The following CSMD1 variants were observed in gnomAD, a reference collection of about 807,000 sequenced individuals.
The protein encoded by CSMD1 is CUB and Sushi multiple domains 1.
A neutral mutation model predicts 417.5 loss-of-function variants in CSMD1; 213 were observed. The ratio of observed to expected loss-of-function variants is 0.51; its 90% CI spans 0.46 to 0.57. CSMD1 has a LOEUF of 0.57. CSMD1 is among the 20% of genes least tolerant of loss of function. The probability of loss-of-function intolerance (pLI) is 0.00; values close to 1 mark genes in which losing one functional copy is unlikely to be tolerated. For synonymous variants in CSMD1, 2,862 were observed against 1,736.8 expected, an observed-to-expected ratio of 1.65 and a Z score of -16.11; for missense variants, 6,923 against 4,529.7, an observed-to-expected ratio of 1.53 and a Z score of -15.17.
At position 4,730,752 on chromosome 8, in the gene CSMD1, TA is replaced by T. The variant is rs113132655; in HGVS notation, c.86-93195del. Among the ~76,000 whole-genome samples the T allele has an allele frequency of 8.8e-3, 1,163 of 131,982 alleles. 6 individuals are homozygous for T. The highest frequency in any genetic ancestry group is 0.014 in the African/African-American group (513 of 37,906). The allele number at this position is 131,982 out of a possible 152,430, so 86.6% of individuals were successfully genotyped here. A position where few individuals can be genotyped will look rare whatever the true frequency, so the allele number is the denominator to read the frequency against. On this transcript the variant is annotated intron_variant, in intron 1 of 69. Coordinates refer to ENST00000635120, the MANE Select transcript of CSMD1 (RefSeq NM_033225.6). ...CGAGACTCCATTTCAAAAAAACAAA[TA>T]AAAAAAAAAAGAATAAAGGAAATGA... is the stretch of plus-strand genomic sequence containing the variant.
At chr8:4,379,112 C>G (rs1584983823) in intron 3 of CSMD1, among the ~76,000 whole-genome samples, 2 of 152,254 alleles carry the variant, frequency 1.3e-5, no homozygotes, top group East Asian at 3.9e-4. Context: ...TTAATGTTAA[C>G]ATCATAAGTG....
chr8:3,767,846 G>A (rs1270338035), intron 5 of CSMD1, among the ~76,000 whole-genome samples: 1 of 151,694 alleles, frequency 6.6e-6, no homozygotes, highest in East Asian at 1.9e-4. Context: ...ATGCCCAGTG[G>A]GTCAGATAAA....
intron 2 of CSMD1, among the ~76,000 whole-genome samples, chr8:4,540,764 A>G (rs1193364931): frequency 6.6e-6 from 1 of 152,064 alleles, no homozygotes; most frequent in African/African-American, 2.4e-5. Flanking sequence ...CACTTACCTT[A>G]ATCATCCCGG....
At chr8:3,032,045 A>G (rs894294357) in intron 50 of CSMD1, among the ~76,000 whole-genome samples, 1 of 151,582 alleles carries the variant, frequency 6.6e-6, no homozygotes, top group Non-Finnish European at 1.5e-5. Flanking sequence ...CCAAGAAAAT[A>G]CATTGCCACA....
Position 3,538,295 on chromosome 8 carries a change from C to G in CSMD1, c.1344+36650G>C, listed in dbSNP as rs114489318. The stretch of plus-strand genomic sequence containing the variant: ...CTTCAGTGGTGCACCTGATATGCTT[C>G]ACCTGAGATGGTACACGTGCGATGC... On this transcript the variant is annotated intron_variant, in intron 10 of 69. Transcript: ENST00000635120. Among the ~76,000 whole-genome samples, 1,295 of 152,332 alleles carry G rather than the reference C, an allele frequency of 8.5e-3. 17 individuals are homozygous for G. Among genetic ancestry groups the G allele is most frequent in the African/African-American group, 0.029 (1,221 of 41,568 alleles).
chr8:3,849,198 C>T (rs139903470), intron 5 of CSMD1, among the ~76,000 whole-genome samples: 124 of 152,116 alleles, frequency 8.2e-4, no homozygotes, highest in African/African-American at 2.9e-3. Context: ...AAAAATCAAC[C>T]TGGGAATGGT....
chr8:4,407,344 T>A (rs2128932351), intron 3 of CSMD1, among the ~76,000 whole-genome samples: 1 of 152,334 alleles, frequency 6.6e-6, no homozygotes, highest in East Asian at 1.9e-4. Context: ...ATACAATAAC[T>A]TTTTTAAAAC....
intron 3 of CSMD1, among the ~76,000 whole-genome samples, chr8:4,316,681 AG>A (rs572555249): frequency 2.0e-4 from 30 of 151,634 alleles, no homozygotes; most frequent in South Asian, 1.0e-3. Context: ...ATGCAAACTA[AG>A]GGGGGGGCTT....
intron 2 of CSMD1, among the ~76,000 whole-genome samples, chr8:4,515,507 C>T (rs565642161): frequency 5.5e-4 from 84 of 152,250 alleles, no homozygotes; most frequent in African/African-American, 1.7e-3. Context: ...AAGAAATACA[C>T]GGTTTTATTA....
intron 23 of CSMD1, among the ~76,000 whole-genome samples, chr8:3,311,565 A>C (rs771050104): frequency 2.6e-5 from 4 of 152,206 alleles, no homozygotes; most frequent in Non-Finnish European, 4.4e-5. Flanking sequence ...ACACTTTCTT[A>C]CAAAACAAGC....
At chr8:3,167,910 A>T (rs1043915510) in intron 37 of CSMD1, among the ~76,000 whole-genome samples, 2 of 152,226 alleles carry the variant, frequency 1.3e-5, no homozygotes, top group African/African-American at 4.8e-5. Flanking sequence ...ATTTTAGAAC[A>T]CATGATAAAC....
At chr8:3,636,057 A>C (rs1797030847) in intron 7 of CSMD1, among the ~76,000 whole-genome samples, 1 of 145,444 alleles carries the variant, frequency 6.9e-6, no homozygotes, top group South Asian at 2.2e-4. Context: ...CTTACTCTAT[A>C]AGCTTTTTCT....
intron 12 of CSMD1, among the ~76,000 whole-genome samples, chr8:3,426,963 C>T (rs1813883650): frequency 6.6e-6 from 1 of 152,142 alleles, no homozygotes; most frequent in Non-Finnish European, 1.5e-5. Context: ...AAAGGGGAAG[C>T]AAAGTGCCTT....
chr8:3,978,165 A>C (rs902404923), intron 5 of CSMD1, among the ~76,000 whole-genome samples: 3 of 152,146 alleles, frequency 2.0e-5, no homozygotes, highest in South Asian at 2.1e-4. Flanking sequence ...TCGAGTGAGG[A>C]AACAGCCTGT....
intron 3 of CSMD1, among the ~76,000 whole-genome samples, chr8:4,150,761 T>G (rs1796526379): frequency 6.6e-6 from 1 of 152,172 alleles, no homozygotes; most frequent in Admixed American, 6.5e-5. Flanking sequence ...CCAACCTGCT[T>G]TATCTAAAAA....
At chr8:2,978,355 T>C (rs991335439) in intron 55 of CSMD1, among the ~76,000 whole-genome samples, 2 of 152,146 alleles carry the variant, frequency 1.3e-5, no homozygotes, top group African/African-American at 2.4e-5. Flanking sequence ...AAAGGCATCA[T>C]TGTCCAAGTG....
chr8:3,672,312 G>T (rs527769026), intron 7 of CSMD1, among the ~76,000 whole-genome samples: 5 of 151,838 alleles, frequency 3.3e-5, no homozygotes, highest in African/African-American at 7.2e-5. Flanking sequence ...GAATCCTAAG[G>T]TTCTCCCAAT....
At chr8:4,014,476 C>A (rs771393619) in intron 4 of CSMD1, among the ~76,000 whole-genome samples, 116 of 152,126 alleles carry the variant, frequency 7.6e-4, no homozygotes, top group Non-Finnish European at 1.4e-3. Flanking sequence ...GCTTTTTAGA[C>A]ATTGAGTTGG....
intron 3 of CSMD1, among the ~76,000 whole-genome samples, chr8:4,414,272 G>T (rs1392128495): frequency 6.6e-6 from 1 of 152,186 alleles, no homozygotes; most frequent in African/African-American, 2.4e-5. Context: ...TCAGCCAACA[G>T]AGTGACACCC....
Sources: gnomAD v4.1 joint callset for allele counts (sites outside exome capture counted in the v4.1 genomes callset) on GRCh38, gnomAD v4.1.1 for gene constraint, MANE v1.5 for transcripts, NCBI Gene and HGNC (gene_info 2026-07-23, HGNC 2026-07-21) for gene names.